Variants in WWOX observed in about 807,000 individuals in gnomAD.
The protein encoded by WWOX is WW domain containing oxidoreductase.
WWOX carries 69 observed loss-of-function variants against 46.2 expected under a neutral mutation model. The ratio of observed to expected loss-of-function variants is 1.49; its 90% CI spans 1.23 to 1.82. The LOEUF is 1.82. Among genes scored for constraint, WWOX ranks in the 40% most tolerant of loss-of-function variants. The pLI, the probability that WWOX is intolerant of heterozygous loss-of-function variation, is 0.00. For synonymous variants in WWOX, 359 were observed against 202.6 expected (o/e 1.77, Z -6.56); for missense variants, 919 against 542.6 (o/e 1.69, Z -6.89).
chr16:78,802,188 T>G (rs1567570277), intron 8 of WWOX, among the ~76,000 whole-genome samples: 1 of 149,920 alleles, frequency 6.7e-6, no homozygotes, highest in East Asian at 2.0e-4. Flanking sequence ...TTGTTTTATA[T>G]TTTGTTTGTT....
chr16:78,551,350 T>C (rs987209885), intron 8 of WWOX: 38 of 152,150 alleles, frequency 2.5e-4, no homozygotes, highest in African/African-American at 8.7e-4. Flanking sequence ...GAAAGGAGGA[T>C]GTTGATCTCC....
At chr16:78,908,342 C>T (rs1045817043) in intron 8 of WWOX, among the ~76,000 whole-genome samples, 2 of 152,030 alleles carry the variant, frequency 1.3e-5, no homozygotes, top group African/African-American at 4.8e-5. Flanking sequence ...GAGTTTGAGA[C>T]CATCCTGGCC....
chr16:78,534,940 C>G (rs2151517901), intron 8 of WWOX, among the ~76,000 whole-genome samples: 1 of 152,202 alleles, frequency 6.6e-6, no homozygotes, highest in South Asian at 2.1e-4. Flanking sequence ...TCTCGATGTC[C>G]TTACCTCATG....
At chr16:78,286,804 A>G (rs1363543214) in intron 5 of WWOX, among the ~76,000 whole-genome samples, 1 of 140,964 alleles carries the variant, frequency 7.1e-6, no homozygotes, top group African/African-American at 2.6e-5. Flanking sequence ...TATCATAGAA[A>G]AGTTAAAGCT....
At chr16:78,589,930 T>G (rs2045311304) in intron 8 of WWOX, among the ~76,000 whole-genome samples, 1 of 152,152 alleles carries the variant, frequency 6.6e-6, no homozygotes, top group African/African-American at 2.4e-5. Flanking sequence ...TTGTTGGAAT[T>G]TCCCAAGAAC....
chr16:78,290,018 A>G (rs9932306), intron 5 of WWOX, among the ~76,000 whole-genome samples: 39,395 of 152,084 alleles, frequency 0.26, 5,877 homozygotes, highest in East Asian at 0.38. Context: ...TGTCACTTTT[A>G]TTACATTTTT....
chr16:78,711,875 C>T (rs550503417), intron 8 of WWOX, among the ~76,000 whole-genome samples: 20 of 152,240 alleles, frequency 1.3e-4, no homozygotes, highest in African/African-American at 4.8e-4. Flanking sequence ...TACAAATTCC[C>T]TCAGTGCACG....
chr16:78,716,371 A>G (rs938147925), intron 8 of WWOX, among the ~76,000 whole-genome samples: 5 of 152,102 alleles, frequency 3.3e-5, no homozygotes, highest in African/African-American at 1.2e-4. Flanking sequence ...CGCAACTGCA[A>G]AAGAGTACAT....
intron 8 of WWOX, among the ~76,000 whole-genome samples, chr16:78,709,455 T>C (rs915778389): frequency 6.6e-6 from 1 of 152,162 alleles, no homozygotes; most frequent in Non-Finnish European, 1.5e-5. Flanking sequence ...TCAGCCTTGG[T>C]GAGATTGGGA....
intron 8 of WWOX, chr16:79,101,311 C>T (rs2049187931): frequency 6.6e-6 from 1 of 152,190 alleles, no homozygotes; most frequent in Non-Finnish European, 1.5e-5. Flanking sequence ...CTTAATCCAA[C>T]AACTCTGCTG....
chr16:78,409,239 C>T (rs1202460269), intron 6 of WWOX, among the ~76,000 whole-genome samples: 1 of 151,932 alleles, frequency 6.6e-6, no homozygotes, highest in Non-Finnish European at 1.5e-5. Context: ...TTAAAGCTAG[C>T]ACTGTACAAT....
At position 78,808,518 on chromosome 16, in the gene WWOX, C is replaced by T. The variant is rs140143000; in HGVS notation, c.1056+375766C>T. On this transcript the variant is annotated intron_variant, in intron 8 of 8. Transcript: ENST00000566780. ...ATTGATGATTACTAAAAATGTGGAC[C>T]TTTGTGAATTTCCGATGTCATAGAA... 2.8e-3 allele frequency among the ~76,000 whole-genome samples: 422 copies of T among 152,166 alleles called. 3 individuals are homozygous for T. Among genetic ancestry groups the T allele is most frequent in the African/African-American group, 9.8e-3 (408 of 41,500 alleles).
At chr16:78,680,521 A>T (rs1400796592) in intron 8 of WWOX, among the ~76,000 whole-genome samples, 2 of 152,154 alleles carry the variant, frequency 1.3e-5, no homozygotes, top group Non-Finnish European at 2.9e-5. Flanking sequence ...CTCTGTCTCA[A>T]AGGAAAGAAA....
intron 6 of WWOX, among the ~76,000 whole-genome samples, chr16:78,403,214 T>TTTGTAAG (rs1175197602): frequency 6.6e-6 from 1 of 152,210 alleles, no homozygotes. Flanking sequence ...TTTCTTATTG[T>TTTGTAAG]TTGTAAGTTG....
At chr16:78,438,951 A>G (rs777359116) in intron 8 of WWOX, among the ~76,000 whole-genome samples, 1 of 152,208 alleles carries the variant, frequency 6.6e-6, no homozygotes, top group Non-Finnish European at 1.5e-5. Context: ...CTGCAGGGTG[A>G]TTTATAGTTG....
At chr16:78,912,629 TTTC>T (rs1171448214) in intron 8 of WWOX, among the ~76,000 whole-genome samples, 2 of 152,156 alleles carry the variant, frequency 1.3e-5, no homozygotes, top group South Asian at 2.1e-4. Flanking sequence ...TAGAATTTCA[TTTC>T]TTATCATTTA....
At chr16:78,701,140 T>C (rs1488811493) in intron 8 of WWOX, among the ~76,000 whole-genome samples, 1 of 152,136 alleles carries the variant, frequency 6.6e-6, no homozygotes, top group Non-Finnish European at 1.5e-5. Flanking sequence ...GAGAATGAAA[T>C]AATGATACAT....
chr16:78,890,682 A>G (rs986058282), intron 8 of WWOX: 1 of 152,238 alleles, frequency 6.6e-6, no homozygotes, highest in African/African-American at 2.4e-5. Flanking sequence ...CTAGACCAGC[A>G]TCTGAGCGTG....
intron 8 of WWOX, among the ~76,000 whole-genome samples, chr16:79,042,930 A>C (rs1051195406): frequency 6.6e-6 from 1 of 152,164 alleles, no homozygotes; most frequent in Non-Finnish European, 1.5e-5. Context: ...TTTCATGATG[A>C]GCAAATGCCT....
Sources: allele counts gnomAD v4.1 joint callset (sites outside exome capture counted in the v4.1 genomes callset), GRCh38; gene constraint gnomAD v4.1.1; transcripts MANE v1.5; gene names NCBI Gene and HGNC (gene_info 2026-07-23, HGNC 2026-07-21).